The following BRCA2 variants were observed in gnomAD, a reference collection of about 807,000 sequenced individuals.
BRCA2 encodes the protein breast cancer type 2 susceptibility protein.
In BRCA2, 203 loss-of-function variants were observed where a neutral mutation model predicts 276.7. The observed-to-expected ratio is 0.73, with a 90% CI of 0.65 to 0.82. The LOEUF (loss-of-function observed/expected upper bound fraction) is 0.82. Ranked by LOEUF, BRCA2 falls within the 40% of genes least tolerant of loss-of-function variation. The pLI, the probability that BRCA2 is intolerant of heterozygous loss-of-function variation, is 0.00. For synonymous variants in BRCA2, 1,289 were observed against 1,338.4 expected, an observed-to-expected ratio of 0.96 and a Z score of 0.81; for missense variants, 3,920 against 3,915.0, an observed-to-expected ratio of 1.00 and a Z score of -0.03.
intron 24 of BRCA2, among the ~76,000 whole-genome samples, chr13:32,383,090 G>A (rs1215674017): frequency 3.1e-5 from 3 of 96,896 alleles, no homozygotes; most frequent in Non-Finnish European, 4.6e-5. Context: ...GGCCAGGCGC[G>A]GTGGCTAACG....
At position 32,341,122 on chromosome 13, in the gene BRCA2, G is replaced by A. The variant is rs80358900; in HGVS notation, c.6767G>A (p.Cys2256Tyr). Reference protein sequence around the residue: ...PSHATHSLFTCPENEEMVLSN... With the variant: ...PSHATHSLFTYPENEEMVLSN... ...CATGCCACACATTCTCTTTTTACAT[G>A]TCCCGAAAATGAGGAAATGGTTTTG... Residue 2256 changes from cysteine (C) to tyrosine (Y), a missense_variant, in exon 11 of 27, where the codon TGT (cysteine) becomes TAT (tyrosine). By Grantham distance (194) the Cys-to-Tyr change is radical. Around this residue, in one of 2 missense-constraint regions of BRCA2, gnomAD observed 3,263 missense variants for 3,156.9 expected, o/e 1.03. Transcript: ENST00000380152. The A allele has an allele frequency of 6.2e-7, 1 of 1,613,928 alleles. No individual in the cohort carries two copies. The highest frequency in any genetic ancestry group is 8.5e-7 in the Non-Finnish European group (1 of 1,179,908).
intron 24 of BRCA2, among the ~76,000 whole-genome samples, chr13:32,392,746 A>G (rs1279875447): frequency 1.3e-5 from 2 of 152,322 alleles, no homozygotes; most frequent in East Asian, 3.9e-4. Flanking sequence ...CAGAAAGTTA[A>G]TAGTGGTATA....
intron 26 of BRCA2, 107 bp from the exon 27 acceptor site, chr13:32,398,053 CTG>C (rs1473275600): frequency 5.1e-6 from 6 of 1,167,640 alleles, no homozygotes; most frequent in Middle Eastern, 2.7e-4. Flanking sequence ...GGGAGGGAGA[CTG>C]TGTGTAATAT....
At chr13:32,328,075 C>T (rs753422238) in intron 7 of BRCA2, among the ~76,000 whole-genome samples, 3 of 151,996 alleles carry the variant, frequency 2.0e-5, no homozygotes, top group Non-Finnish European at 4.4e-5. Flanking sequence ...AGATAATAAA[C>T]ATACAAGTTT....
rs558591728 is a variant in BRCA2, at chr13:32,360,607, C to T, written c.7806-1916C>T. ...ACTCCTGACCTCAGGATCCACCCTCCTCGGCCTCCCAAAGTGCTGGAATTA... is the reference window on the plus strand; with the variant it reads ...ACTCCTGACCTCAGGATCCACCCTCTTCGGCCTCCCAAAGTGCTGGAATTA... On this transcript the variant is annotated intron_variant, in intron 16 of 26. Transcript: ENST00000380152. Among the ~76,000 whole-genome samples, 6 of 152,248 alleles carry T rather than the reference C, an allele frequency of 3.9e-5. No individual in the cohort carries two copies. The East Asian group carries it at 9.7e-4, about 25-fold the overall frequency.
rs2072290421 is a variant in BRCA2, at chr13:32,319,322, T to G, written c.313T>G (p.Leu105Val). ...VKELDKFKLD[L>V]GRNVPNSRHK... ...AGAATTAGATAAATTCAAATTAGACTTAGGTAAGTAATGCAATATGGTAGA... is the reference window on the plus strand; with the variant it reads ...AGAATTAGATAAATTCAAATTAGACGTAGGTAAGTAATGCAATATGGTAGA... Residue 105 changes from leucine to valine, a missense_variant, in exon 3 of 27, where the codon TTA (leucine) becomes GTA (valine). Physicochemically the swap from Leu to Val is conservative, Grantham distance 32. Coordinates refer to ENST00000380152, the MANE Select transcript of BRCA2 (RefSeq NM_000059.4). 6.2e-7 allele frequency: 1 copy of G among 1,612,100 alleles called. No individual in the cohort carries two copies. The highest frequency in any genetic ancestry group is 1.1e-5 in the South Asian group (1 of 91,032).
chr13:32,357,204 T>C (rs2072704222), intron 15 of BRCA2, among the ~76,000 whole-genome samples: 1 of 152,210 alleles, frequency 6.6e-6, no homozygotes, highest in Admixed American at 6.5e-5. Flanking sequence ...GAGGGTTAAG[T>C]AACTGCCCCA....
chr13:32,379,295 C>T (rs1241598194), intron 21 of BRCA2, 22 bp from the exon 22 acceptor site: 1 of 1,612,166 alleles, frequency 6.2e-7, no homozygotes, highest in Admixed American at 1.7e-5. Flanking sequence ...GCTTTTTATT[C>T]CAATATCTTA....
chr13:32,328,953 C>T (rs1284463356), intron 7 of BRCA2, among the ~76,000 whole-genome samples: 1 of 152,138 alleles, frequency 6.6e-6, no homozygotes, highest in Non-Finnish European at 1.5e-5. Context: ...ACCAGTATTA[C>T]ATTTTGTTTA....
chr13:32,328,296 C>T (rs2137456256), intron 7 of BRCA2, among the ~76,000 whole-genome samples: 1 of 150,134 alleles, frequency 6.7e-6, no homozygotes, highest in South Asian at 2.1e-4. Flanking sequence ...GGCTGGAGTA[C>T]AGTGGCACCA....
At chr13:32,359,202 A>G (rs1208178876) in intron 16 of BRCA2, among the ~76,000 whole-genome samples, 5 of 147,198 alleles carry the variant, frequency 3.4e-5, no homozygotes, top group African/African-American at 5.1e-5. Context: ...AGCCTGGGCA[A>G]CAGTGAGACT....
intron 11 of BRCA2, among the ~76,000 whole-genome samples, chr13:32,342,565 A>G (rs1333038220): frequency 6.6e-6 from 1 of 152,234 alleles, no homozygotes; most frequent in Non-Finnish European, 1.5e-5. Context: ...GGAACATCAT[A>G]GAGTATACTT....
Position 32,341,421 on chromosome 13 carries a change from T to C in BRCA2, c.6841+225T>C, listed in dbSNP as rs145237950. Among the ~76,000 whole-genome samples the C allele has an allele frequency of 4.1e-3, 626 of 152,282 alleles. 5 individuals are homozygous for C. The highest frequency in any genetic ancestry group is 0.014 in the African/African-American group (585 of 41,540). On this transcript the variant is annotated intron_variant, in intron 11 of 26. Coordinates refer to ENST00000380152, the MANE Select transcript of BRCA2 (RefSeq NM_000059.4). ...CAGATTCGATATCTCTGAATCTGTA[T>C]ACCAAGAAATCATGTTTTAAGGGTC...
intron 11 of BRCA2, among the ~76,000 whole-genome samples, chr13:32,344,245 T>C (rs1566236693): frequency 6.6e-6 from 1 of 151,874 alleles, no homozygotes; most frequent in South Asian, 2.1e-4. Context: ...CCTAGAGTTA[T>C]ATTTAGTGTC....
Position 32,334,735 on chromosome 13 carries a change from G to A in BRCA2, c.1909+1348G>A, listed in dbSNP as rs146601509. On this transcript the variant is annotated intron_variant, in intron 10 of 26. Coordinates refer to ENST00000380152, the MANE Select transcript of BRCA2 (RefSeq NM_000059.4). ...GAAATACTAGCTAAGTTTAATGTAG[G>A]CCAGTTCTAAAATAATGATTTATTG... Among the ~76,000 whole-genome samples, 10 of 151,882 alleles carry A rather than the reference G, an allele frequency of 6.6e-5. No homozygotes were observed. In the East Asian group the frequency reaches 1.9e-3, roughly 29 times the overall value.
At position 32,399,105 on chromosome 13, in the gene BRCA2, A is replaced by G. The variant is rs1374213040; in HGVS notation, c.*335A>G. ...TGCTTGAGGCCAGGAGTTCAAGACC[A>G]GCCTGGGCAACATAGGGAGACCCCC... is the stretch of plus-strand genomic sequence containing the variant. On this transcript the variant is annotated 3_prime_UTR_variant, in exon 27 of 27. Coordinates refer to ENST00000380152, the MANE Select transcript of BRCA2 (RefSeq NM_000059.4). The G allele has an allele frequency of 7.0e-6, 2 of 283,834 alleles. No individual in the cohort carries two copies. The highest frequency in any genetic ancestry group is 1.3e-5 in the Non-Finnish European group (2 of 151,542). 17.6% of individuals were successfully genotyped at this position (283,834 alleles called of 1,614,324 possible).
chr13:32,349,546 C>T (rs1200652793), intron 13 of BRCA2, among the ~76,000 whole-genome samples: 1 of 151,916 alleles, frequency 6.6e-6, no homozygotes, highest in Non-Finnish European at 1.5e-5. Context: ...GTTTAAGAAG[C>T]AATACTCGCC....
At chr13:32,328,522 C>A (rs757247907) in intron 7 of BRCA2, among the ~76,000 whole-genome samples, 1 of 152,008 alleles carries the variant, frequency 6.6e-6, no homozygotes, top group Non-Finnish European at 1.5e-5. Context: ...TAAGAAGATA[C>A]TGGGCCAGAT....
chr13:32,320,657 G>C (rs1171058695), intron 3 of BRCA2, among the ~76,000 whole-genome samples: 1 of 152,188 alleles, frequency 6.6e-6, no homozygotes, highest in Non-Finnish European at 1.5e-5. Context: ...TACATGCTTT[G>C]AAAGAAATTC....
Sources: gnomAD v4.1 joint callset for allele counts (sites outside exome capture counted in the v4.1 genomes callset) on GRCh38, gnomAD v4.1.1 for gene constraint, gnomAD v4.1.1 regional missense constraint, MANE v1.5 for transcripts, NCBI Gene and HGNC (gene_info 2026-07-23, HGNC 2026-07-21) for gene names.